Variants in PCDHGA8 observed in about 807,000 individuals in gnomAD.
PCDHGA8 encodes protocadherin gamma-A8.
PCDHGA8 carries 45 observed loss-of-function variants against 59.2 expected under a neutral mutation model. The ratio of observed to expected loss-of-function variants is 0.76; its 90% confidence interval spans 0.60 to 0.98. The LOEUF (loss-of-function observed/expected upper bound fraction) is 0.98. Among genes scored for constraint, PCDHGA8 ranks in the 50% least tolerant of loss-of-function variants. PCDHGA8 has a pLI of 0.00. For synonymous variants in PCDHGA8, 531 were observed against 519.0 expected (o/e 1.02, Z -0.32); for missense variants, 1,257 against 1,196.2 (o/e 1.05, Z -0.75).
intron 1 of PCDHGA8, chr5:141,405,577 T>C (rs1034475748): frequency 1.0e-5 from 6 of 597,580 alleles, no homozygotes; most frequent in Non-Finnish European, 1.8e-5. Context: ...GTAGAGTAGC[T>C]GGGACTACAG....
Position 141,486,335 on chromosome 5 carries a change from C to T in PCDHGA8, c.2425-8472C>T, listed in dbSNP as rs762408704. ...AGGGTCAAACGGAGATGTGAGCCTC[C>T]GCATTCCTGACCACTTGCCATTTGC... On this transcript the variant is annotated intron_variant, in intron 1 of 3. Transcript: ENST00000398604. The surrounding 1 kb of genome is among the most constrained non-coding windows in gnomAD (Gnocchi z 5.0). 6.2e-6 allele frequency: 10 copies of T among 1,613,936 alleles called. No individual in the cohort carries two copies. Among genetic ancestry groups the T allele is most frequent in the Middle Eastern group, 1.6e-4 (1 of 6,082 alleles).
chr5:141,485,682 A>G lies in PCDHGA8; in HGVS notation c.2425-9125A>G, dbSNP rs779441999. Reference sequence around the variant, plus strand: ...GTGGGGAGCAATTCGATTAGCAGCTATAGGCTGAGCTCCAATGAACACTTT... The same window carrying G: ...GTGGGGAGCAATTCGATTAGCAGCTGTAGGCTGAGCTCCAATGAACACTTT... On this transcript the variant is annotated intron_variant, in intron 1 of 3. Coordinates refer to ENST00000398604, the MANE Select transcript of PCDHGA8 (RefSeq NM_032088.2). This position sits in a 1 kb window ranked among gnomAD's most constrained non-coding sequence, Gnocchi z 5.7. 6.2e-7 allele frequency: 1 copy of G among 1,614,076 alleles called. No homozygotes were observed. Among genetic ancestry groups the G allele is most frequent in the Non-Finnish European group, 8.5e-7 (1 of 1,179,964 alleles).
Position 141,486,226 on chromosome 5 carries a change from A to G in PCDHGA8, c.2425-8581A>G, listed in dbSNP as rs889500362. 5.0e-6 allele frequency: 8 copies of G among 1,614,012 alleles called. No individual in the cohort carries two copies. The highest frequency in any genetic ancestry group is 6.8e-6 in the Non-Finnish European group (8 of 1,180,018). On this transcript the variant is annotated intron_variant, in intron 1 of 3. Transcript: ENST00000398604. This position sits in a 1 kb window ranked among gnomAD's most constrained non-coding sequence, Gnocchi z 5.0. ...TAAATGACAATGCCCCTTACATCACAGTGACCTCAGAGCTTGGAACCCTCC... is the reference window on the plus strand; with the variant it reads ...TAAATGACAATGCCCCTTACATCACGGTGACCTCAGAGCTTGGAACCCTCC...
At chr5:141,398,928 T>C in intron 1 of PCDHGA8, 4 of 1,613,962 alleles carry the variant, frequency 2.5e-6, no homozygotes, top group Non-Finnish European at 3.4e-6. Flanking sequence ...TGTCAGCCAC[T>C]GACCAAGACG....
chr5:141,494,936 G>C, intron 2 of PCDHGA8, 71 bp downstream of exon 2: 1 of 1,612,574 alleles, frequency 6.2e-7, no homozygotes, highest in South Asian at 1.1e-5. Flanking sequence ...GGAGGAGATG[G>C]GGGAGGGCCC....
At chr5:141,463,176 C>T (rs989201395) in intron 1 of PCDHGA8, among the ~76,000 whole-genome samples, 2 of 152,100 alleles carry the variant, frequency 1.3e-5, no homozygotes, top group African/African-American at 4.8e-5. Context: ...TATGTATGCT[C>T]AGATTATTAT....
chr5:141,428,388 C>A, intron 1 of PCDHGA8: 1 of 506,160 alleles, frequency 2.0e-6, no homozygotes, highest in African/African-American at 1.9e-5. Flanking sequence ...GCTCTTCCAG[C>A]CCCTCTGCCT....
At chr5:141,480,511 A>G (rs2099520888) in intron 1 of PCDHGA8, among the ~76,000 whole-genome samples, 1 of 127,378 alleles carries the variant, frequency 7.9e-6, no homozygotes, top group African/African-American at 3.6e-5. Context: ...ATATGAGAAC[A>G]ACCAAAAATG....
intron 1 of PCDHGA8, chr5:141,403,667 GC>G: frequency 6.2e-7 from 1 of 1,613,910 alleles, no homozygotes; most frequent in Non-Finnish European, 8.5e-7. Context: ...AAATGATAAT[GC>G]CCCGGTTTTT....
chr5:141,403,875 A>G (rs1311532081), intron 1 of PCDHGA8: 1 of 1,613,816 alleles, frequency 6.2e-7, no homozygotes, highest in South Asian at 1.1e-5. Context: ...AAAAGTCTAG[A>G]TTATGAAGAA....
chr5:141,466,510 A>AT (rs1222513096), intron 1 of PCDHGA8, among the ~76,000 whole-genome samples: 1 of 151,938 alleles, frequency 6.6e-6, no homozygotes, highest in African/African-American at 2.4e-5. Context: ...AGACAAGATC[A>AT]TTTTTTTTCC....
At chr5:141,496,080 C>G (rs2099765822) in intron 2 of PCDHGA8, among the ~76,000 whole-genome samples, 2 of 152,150 alleles carry the variant, frequency 1.3e-5, no homozygotes, top group East Asian at 1.9e-4. Context: ...ACACAACCCC[C>G]CACCCACCAC....
Position 141,493,477 on chromosome 5 carries a change from G to A in PCDHGA8, c.2425-1330G>A, listed in dbSNP as rs1657824440. On this transcript the variant is annotated intron_variant, in intron 1 of 3. Transcript: ENST00000398604. This position sits in a 1 kb window ranked among gnomAD's most constrained non-coding sequence, Gnocchi z 4.3. ...TTCCCTTTTAGGACCTTACATGTGG[G>A]GAAAGTCTTCTGTGGCTCCTCATTT... is the stretch of plus-strand genomic sequence containing the variant. Among the ~76,000 whole-genome samples, 3 of 152,124 alleles carry A rather than the reference G, an allele frequency of 2.0e-5. No individual in the cohort carries two copies. The highest frequency in any genetic ancestry group is 6.5e-5 in the Admixed American group (1 of 15,272).
chr5:141,404,497 T>C, intron 1 of PCDHGA8: 1 of 1,613,930 alleles, frequency 6.2e-7, no homozygotes, highest in Non-Finnish European at 8.5e-7. Context: ...GTGTGCTGTA[T>C]GCTCTGTGCT....
intron 1 of PCDHGA8, chr5:141,400,753 T>C: frequency 1.7e-6 from 1 of 597,232 alleles, no homozygotes; most frequent in Non-Finnish European, 2.9e-6. Flanking sequence ...CTTAGCTTCC[T>C]CTCTAGCAAA....
intron 1 of PCDHGA8, chr5:141,408,616 A>C (rs1242634693): frequency 6.2e-7 from 1 of 1,614,052 alleles, no homozygotes. Flanking sequence ...AAAAGGAAAT[A>C]CATTTAGAAA....
At chr5:141,425,111 A>C (rs2096857405) in intron 1 of PCDHGA8, among the ~76,000 whole-genome samples, 1 of 152,144 alleles carries the variant, frequency 6.6e-6, no homozygotes, top group Non-Finnish European at 1.5e-5. Flanking sequence ...AGATGCCTAC[A>C]TTTTTCTTGA....
intron 1 of PCDHGA8, chr5:141,423,202 G>T: frequency 6.2e-7 from 1 of 1,613,618 alleles, no homozygotes; most frequent in Non-Finnish European, 8.5e-7. Flanking sequence ...CTCGGCCACC[G>T]TCACGCTCAC....
In PCDHGA8 at chr5:141,404,188, A is replaced by C. The variant is rs1001365354; in HGVS notation, c.2424+8951A>C. On this transcript the variant is annotated intron_variant, in intron 1 of 3. Transcript: ENST00000398604. Reference sequence around the variant, plus strand: ...TGTTGACGGCCCAAATTCTTGACCGAGAAAAAGCCTCAGAATATAATATCA... The same window carrying C: ...TGTTGACGGCCCAAATTCTTGACCGCGAAAAAGCCTCAGAATATAATATCA... 3.7e-6 allele frequency: 6 copies of C among 1,613,398 alleles called. No individual in the cohort carries two copies. The African/African-American group carries it at 5.3e-5, about 14-fold the overall frequency.
Sources: gnomAD v4.1 joint callset for allele counts (sites outside exome capture counted in the v4.1 genomes callset) on GRCh38, gnomAD v4.1.1 for gene constraint, Gnocchi (gnomAD v3.1) non-coding constraint, MANE v1.5 for transcripts, NCBI Gene and HGNC (gene_info 2026-07-23, HGNC 2026-07-21) for gene names.